The following IQGAP2 variants were observed in gnomAD, a reference collection of about 807,000 sequenced individuals.
IQGAP2 encodes IQ motif containing GTPase activating protein 2, also known as ras GTPase-activating-like protein IQGAP2.
In IQGAP2, 173 loss-of-function variants were observed where a neutral mutation model predicts 201.3. The observed-to-expected ratio is 0.86, with a 90% CI of 0.76 to 0.98. The LOEUF (loss-of-function observed/expected upper bound fraction) is 0.98, where lower values mean the gene tolerates loss of function less well. IQGAP2 is among the 50% of genes least tolerant of loss of function. The pLI, the probability that IQGAP2 is intolerant of heterozygous loss-of-function variation, is 0.00. For missense variants in IQGAP2, 1,687 were observed against 1,864.8 expected (o/e 0.90, Z 1.76); for synonymous variants, 675 against 673.9 (o/e 1.00, Z -0.03).
At chr5:76,448,785 T>C (rs1753554143) in intron 1 of IQGAP2, among the ~76,000 whole-genome samples, 2 of 152,118 alleles carry the variant, frequency 1.3e-5, no homozygotes, top group South Asian at 4.1e-4. Flanking sequence ...ACTGGCAAAA[T>C]GAGCTTGGTT....
intron 4 of IQGAP2, among the ~76,000 whole-genome samples, chr5:76,572,180 C>G (rs1745158514): frequency 6.6e-6 from 1 of 151,542 alleles, no homozygotes; most frequent in Non-Finnish European, 1.5e-5. Context: ...GGGTCAATAG[C>G]TTGCTCCTAT....
chr5:76,540,344 C>G (rs925761419), intron 2 of IQGAP2, among the ~76,000 whole-genome samples: 2 of 152,112 alleles, frequency 1.3e-5, no homozygotes, highest in Non-Finnish European at 2.9e-5. Flanking sequence ...ATGGCTAGCT[C>G]TTTTTGGGAA....
At chr5:76,686,904 T>C (rs933498206) in intron 30 of IQGAP2, among the ~76,000 whole-genome samples, 2 of 152,236 alleles carry the variant, frequency 1.3e-5, no homozygotes, top group Non-Finnish European at 2.9e-5. Context: ...GGCACCCTTG[T>C]CAAAAACTAA....
intron 16 of IQGAP2, among the ~76,000 whole-genome samples, chr5:76,637,610 C>T (rs1751250971): frequency 6.6e-6 from 1 of 152,232 alleles, no homozygotes. Context: ...GAGGGCATCT[C>T]TGCCACACAT....
chr5:76,550,550 T>C (rs961230139), intron 2 of IQGAP2, among the ~76,000 whole-genome samples: 1 of 152,098 alleles, frequency 6.6e-6, no homozygotes, highest in African/African-American at 2.4e-5. Context: ...GGAGTGGTGA[T>C]GACTCTTAAG....
chr5:76,589,570 G>A lies in IQGAP2; in HGVS notation c.527-45G>A, dbSNP rs747777585. 5.4e-6 allele frequency: 6 copies of A among 1,101,722 alleles called. No individual in the cohort carries two copies. The African/African-American group carries it at 6.2e-5, about 11-fold the overall frequency. The allele number at this position is 1,101,722 out of a possible 1,614,324, so 68.2% of individuals were successfully genotyped here. ...CTCATTCCTGCATCCATCTCTGTCT[G>A]TAGCTTTCTCTGATAATGATTATGA... On this transcript the variant is annotated intron_variant, in intron 6 of 35. Coordinates refer to ENST00000274364, the MANE Select transcript of IQGAP2 (RefSeq NM_006633.5).
chr5:76,488,029 G>T (rs564328375), intron 2 of IQGAP2, among the ~76,000 whole-genome samples: 1 of 152,172 alleles, frequency 6.6e-6, no homozygotes, highest in Non-Finnish European at 1.5e-5. Flanking sequence ...ACCCCTTGCC[G>T]TTCATGTGAC....
chr5:76,432,274 A>G (rs1752419513), intron 1 of IQGAP2, among the ~76,000 whole-genome samples: 2 of 151,702 alleles, frequency 1.3e-5, no homozygotes, highest in Non-Finnish European at 2.9e-5. Flanking sequence ...ACAGGCATGC[A>G]CCACCACGCC....
intron 13 of IQGAP2, chr5:76,618,708 T>C: frequency 5.3e-6 from 7 of 1,311,404 alleles, no homozygotes; most frequent in Non-Finnish European, 7.4e-6. Flanking sequence ...TGTTTAATTA[T>C]TTGTAAATAA....
intron 3 of IQGAP2, among the ~76,000 whole-genome samples, chr5:76,565,040 G>T (rs930597332): frequency 1.3e-5 from 2 of 152,188 alleles, no homozygotes; most frequent in Non-Finnish European, 2.9e-5. Flanking sequence ...TGAGTGATTT[G>T]CCATGTAATC....
intron 1 of IQGAP2, among the ~76,000 whole-genome samples, chr5:76,409,228 T>C (rs1417542330): frequency 1.4e-5 from 2 of 145,700 alleles, no homozygotes; most frequent in African/African-American, 2.5e-5. Context: ...AGAAACAGCA[T>C]AGAATACATG....
At chr5:76,595,260 T>A (rs1580548676) in intron 9 of IQGAP2, among the ~76,000 whole-genome samples, 2 of 144,600 alleles carry the variant, frequency 1.4e-5, no homozygotes, top group African/African-American at 5.1e-5. Context: ...TTTTTTTTTT[T>A]TTTTTTTTTT....
intron 5 of IQGAP2, among the ~76,000 whole-genome samples, chr5:76,581,724 G>T (rs947668905): frequency 2.6e-5 from 4 of 152,094 alleles, no homozygotes; most frequent in Non-Finnish European, 4.4e-5. Flanking sequence ...CTATGATAAG[G>T]CTACCTCAGG....
At chr5:76,492,583 C>T (rs990369573) in intron 2 of IQGAP2, among the ~76,000 whole-genome samples, 57 of 152,270 alleles carry the variant, frequency 3.7e-4, no homozygotes, top group Admixed American at 1.8e-3. Context: ...AAGCCAGTTA[C>T]GGAGAGCCTT....
chr5:76,684,385 A>G (rs1745557238), intron 30 of IQGAP2, among the ~76,000 whole-genome samples: 1 of 152,198 alleles, frequency 6.6e-6, no homozygotes, highest in Non-Finnish European at 1.5e-5. Context: ...TATATTTACC[A>G]GCTTTGACTT....
In IQGAP2 at chr5:76,577,884, A is replaced by G. The variant is rs1745575555; in HGVS notation, c.458+2115A>G. 1.3e-5 allele frequency among the ~76,000 whole-genome samples: 2 copies of G among 152,206 alleles called. 1 individual carries two copies. ...TATTTGAGAGTTGTTATTACCTGGT[A>G]GAGTAATTAGGCAGGTCAGAGATTC... is the stretch of plus-strand genomic sequence containing the variant. On this transcript the variant is annotated intron_variant, in intron 5 of 35. Transcript: ENST00000274364.
chr5:76,536,065 C>CTCTTT (rs1554065850), intron 2 of IQGAP2, among the ~76,000 whole-genome samples: 1 of 123,744 alleles, frequency 8.1e-6, no homozygotes, highest in Admixed American at 9.1e-5. Context: ...GGAGCATATT[C>CTCTTT]TTTTTTTTTT....
At chr5:76,592,782 G>T in intron 8 of IQGAP2, 56 bp from the exon 9 acceptor site, 1 of 1,129,862 alleles carries the variant, frequency 8.9e-7, no homozygotes, top group South Asian at 1.3e-5. Context: ...TTTGAATTTC[G>T]AGTTTTGGAA....
Position 76,631,871 on chromosome 5 carries a change from T to C in IQGAP2, c.1625T>C (p.Val542Ala). 1 of 1,588,458 alleles carries C rather than the reference T, an allele frequency of 6.3e-7. No homozygotes were observed. Among genetic ancestry groups the C allele is most frequent in the South Asian group, 1.2e-5 (1 of 86,562 alleles). The change falls in exon 15 of 36, where the codon GTG (valine) becomes GCG (alanine). Residue 542 changes from valine to alanine, a missense_variant. Val to Ala is a moderately conservative substitution (Grantham distance 64, BLOSUM62 0). Coordinates refer to ENST00000274364, the MANE Select transcript of IQGAP2 (RefSeq NM_006633.5). ...TTCAATTACCCAGGGGTTACTCTGG[T>C]GGTTGATGTTAATCAGTGTTTGGAA... ...KDRAKQWVTLVVDVNQCLEGK... is the reference protein window; with the variant it reads ...KDRAKQWVTLAVDVNQCLEGK...
Sources: allele counts gnomAD v4.1 joint callset (sites outside exome capture counted in the v4.1 genomes callset), GRCh38; gene constraint gnomAD v4.1.1; transcripts MANE v1.5; gene names NCBI Gene and HGNC (gene_info 2026-07-23, HGNC 2026-07-21).